PPP3R1: variants seen among roughly 807,000 people sequenced by gnomAD.
PPP3R1 encodes calcineurin subunit B type 1.
Under a neutral mutation model 22.6 loss-of-function variants are expected in PPP3R1, and 5 were observed. The observed-to-expected ratio is 0.22, with a 90% CI of 0.12 to 0.46. PPP3R1 has a LOEUF of 0.46. Among genes scored for constraint, PPP3R1 ranks in the 20% least tolerant of loss-of-function variants. The pLI is 0.99. For synonymous variants in PPP3R1, 56 were observed against 65.2 expected, an observed-to-expected ratio of 0.86 and a Z score of 0.68; for missense variants, 61 against 203.2, an observed-to-expected ratio of 0.30 and a Z score of 4.25.
At chr2:68,185,151 G>A (rs1161792380) in intron 5 of PPP3R1, among the ~76,000 whole-genome samples, 9 of 151,406 alleles carry the variant, frequency 5.9e-5, no homozygotes, top group African/African-American at 7.3e-5. Flanking sequence ...CCAGGGAGTC[G>A]GAGGTTGCAG....
chr2:68,251,915 C>A (rs995796398), intron 1 of PPP3R1, among the ~76,000 whole-genome samples: 1 of 136,396 alleles, frequency 7.3e-6, no homozygotes, highest in African/African-American at 2.7e-5. Context: ...AGGCCGGGGG[C>A]GGGCGCGGGG....
intron 1 of PPP3R1, chr2:68,250,863 C>G (rs955202659): frequency 3.3e-5 from 5 of 152,098 alleles, no homozygotes; most frequent in African/African-American, 1.2e-4. Flanking sequence ...TCGATTTCAC[C>G]AAATCGATTT....
In PPP3R1 at chr2:68,240,935, T is replaced by C. The variant is rs116764389; in HGVS notation, c.3+11190A>G. Among the ~76,000 whole-genome samples the C allele has an allele frequency of 5.9e-3, 897 of 152,204 alleles. 8 individuals carry two copies. The highest frequency in any genetic ancestry group is 0.019 in the African/African-American group (770 of 41,516). ...CTAAAAATGGTCAGAGAGGTAGAAA[T>C]AGCAACTAGCAATAGTAGAAAAGGT... On this transcript the variant is annotated intron_variant, in intron 1 of 5. Coordinates refer to ENST00000234310, the MANE Select transcript of PPP3R1 (RefSeq NM_000945.4).
chr2:68,186,654 T>TA lies in PPP3R1; in HGVS notation c.281-3dup, dbSNP rs777376760. 49 of 1,590,570 alleles carry TA rather than the reference T, an allele frequency of 3.1e-5. No individual in the cohort carries two copies. Among genetic ancestry groups the TA allele is most frequent in the South Asian group, 1.9e-4 (17 of 87,612 alleles). On this transcript the variant is annotated splice_region_variant and splice_polypyrimidine_tract_variant and intron_variant, in intron 4 of 5. Transcript: ENST00000234310. The stretch of plus-strand genomic sequence containing the variant: ...CCATGTCATAGATACGGAAAGCAAC[T>TA]AAAAAAAAGGAAGGAAAATCAATTC...
chr2:68,252,085 T>C (rs749737748), intron 1 of PPP3R1, 40 bp downstream of exon 1: 2 of 1,381,842 alleles, frequency 1.4e-6, no homozygotes, highest in Non-Finnish European at 9.6e-7. Flanking sequence ...ACGGCGGCAG[T>C]AGGGGGAGGG....
intron 1 of PPP3R1, among the ~76,000 whole-genome samples, chr2:68,239,740 G>A (rs891302260): frequency 5.9e-5 from 9 of 152,260 alleles, no homozygotes; most frequent in African/African-American, 1.7e-4. Flanking sequence ...TAATGTGTAG[G>A]GTCCTATGCT....
intron 2 of PPP3R1, among the ~76,000 whole-genome samples, chr2:68,197,696 T>A (rs961857795): frequency 6.6e-6 from 1 of 152,166 alleles, no homozygotes; most frequent in Non-Finnish European, 1.5e-5. Flanking sequence ...GTAAAAGATT[T>A]GTGAAATTCT....
chr2:68,205,823 C>T (rs1166340741), intron 2 of PPP3R1, among the ~76,000 whole-genome samples: 1 of 151,198 alleles, frequency 6.6e-6, no homozygotes, highest in African/African-American at 2.4e-5. Flanking sequence ...TGTGTAGGCT[C>T]TTCTTTTTTT....
rs116526884 is a variant in PPP3R1, at chr2:68,240,240, G to A, written c.3+11885C>T. Among the ~76,000 whole-genome samples the A allele has an allele frequency of 9.1e-4, 139 of 152,236 alleles. 1 individual carries two copies. The highest frequency in any genetic ancestry group is 3.0e-3 in the African/African-American group (126 of 41,532). On this transcript the variant is annotated intron_variant, in intron 1 of 5. Transcript: ENST00000234310. Reference sequence around the variant, plus strand: ...ATGACTCAAATAAGACAAACGACCTGTAACCAATTAAGCTCTGTACCTCAC... The same window carrying A: ...ATGACTCAAATAAGACAAACGACCTATAACCAATTAAGCTCTGTACCTCAC...
chr2:68,185,881 T>C (rs148168592), intron 5 of PPP3R1, among the ~76,000 whole-genome samples: 2 of 152,356 alleles, frequency 1.3e-5, no homozygotes, highest in East Asian at 3.9e-4. Flanking sequence ...TTAAGGATAA[T>C]ATGAACTTCT....
intron 1 of PPP3R1, among the ~76,000 whole-genome samples, chr2:68,227,835 C>T (rs1041917044): frequency 5.9e-5 from 9 of 151,778 alleles, no homozygotes; most frequent in African/African-American, 1.7e-4. Flanking sequence ...TGCACAATTT[C>T]GCCGAACTTA....
In PPP3R1 at chr2:68,246,704, C is replaced by T. The variant is rs1243173393; in HGVS notation, c.3+5421G>A. On this transcript the variant is annotated intron_variant, in intron 1 of 5. Coordinates refer to ENST00000234310, the MANE Select transcript of PPP3R1 (RefSeq NM_000945.4). ...TCTCTGGCTATTCAATGACAAACTT[C>T]ACAGGCTCCTCATCCTCTACCTGCC... Among the ~76,000 whole-genome samples, 3 of 152,210 alleles carry T rather than the reference C, an allele frequency of 2.0e-5. No individual in the cohort carries two copies. In the East Asian group the frequency reaches 5.8e-4, roughly 29 times the overall value.
intron 1 of PPP3R1, among the ~76,000 whole-genome samples, chr2:68,223,306 G>T (rs2103780271): frequency 6.6e-6 from 1 of 152,302 alleles, no homozygotes; most frequent in South Asian, 2.1e-4. Context: ...TGAGGCAGAA[G>T]AATCGCTTGA....
chr2:68,234,173 C>T (rs1669972382), intron 1 of PPP3R1, among the ~76,000 whole-genome samples: 1 of 152,034 alleles, frequency 6.6e-6, no homozygotes, highest in South Asian at 2.1e-4. Flanking sequence ...GAAACCCCGT[C>T]TCTAGTAAAA....
intron 2 of PPP3R1, among the ~76,000 whole-genome samples, chr2:68,210,604 A>G (rs1669459149): frequency 6.6e-6 from 1 of 152,164 alleles, no homozygotes; most frequent in Non-Finnish European, 1.5e-5. Flanking sequence ...CTGGAATTAT[A>G]TTTTTCGAGG....
At chr2:68,223,118 G>A (rs368245469) in intron 1 of PPP3R1, among the ~76,000 whole-genome samples, 14 of 152,120 alleles carry the variant, frequency 9.2e-5, no homozygotes, top group African/African-American at 2.4e-4. Flanking sequence ...AACTATGGCC[G>A]GGCGCGGTGG....
At chr2:68,198,056 C>T (rs1275454948) in intron 2 of PPP3R1, among the ~76,000 whole-genome samples, 4 of 75,176 alleles carry the variant, frequency 5.3e-5, no homozygotes, top group African/African-American at 2.8e-4. Flanking sequence ...ACAACGGCAC[C>T]TTTGGCAAAA....
At chr2:68,198,236 TAC>T (rs1558630903) in intron 2 of PPP3R1, among the ~76,000 whole-genome samples, 4 of 114,274 alleles carry the variant, frequency 3.5e-5, no homozygotes, top group Admixed American at 9.3e-5. Flanking sequence ...CATATATGTA[TAC>T]ACATATGTAC....
intron 2 of PPP3R1, among the ~76,000 whole-genome samples, chr2:68,205,198 G>A (rs1400381610): frequency 6.7e-6 from 1 of 149,858 alleles, no homozygotes; most frequent in Non-Finnish European, 1.5e-5. Flanking sequence ...TTATTTCAGA[G>A]CAAATCCCAG....
Sources: gnomAD v4.1 joint callset for allele counts (sites outside exome capture counted in the v4.1 genomes callset) on GRCh38, gnomAD v4.1.1 for gene constraint, MANE v1.5 for transcripts, NCBI Gene and HGNC (gene_info 2026-07-23, HGNC 2026-07-21) for gene names.